WDR64: variants seen among roughly 807,000 people sequenced by gnomAD.
The protein encoded by WDR64 is WD repeat domain 64.
In WDR64, 112 loss-of-function variants were observed where a neutral mutation model predicts 139.3. That is an observed-to-expected ratio of 0.80 (90% CI 0.69 to 0.94). The LOEUF is 0.94. WDR64 is among the 40% of genes least tolerant of loss of function. The pLI is 0.00. For synonymous variants in WDR64, 444 were observed against 437.7 expected (o/e 1.01, Z -0.18); for missense variants, 1,206 against 1,293.1 (o/e 0.93, Z 1.03).
intron 24 of WDR64, among the ~76,000 whole-genome samples, chr1:241,788,724 G>A (rs1163083232): frequency 1.3e-5 from 2 of 152,182 alleles, no homozygotes; most frequent in Non-Finnish European, 2.9e-5. Flanking sequence ...CACAGGATTT[G>A]GATCAAAGCA....
chr1:241,681,679 G>C (rs1558469931), intron 6 of WDR64, among the ~76,000 whole-genome samples: 1 of 152,120 alleles, frequency 6.6e-6, no homozygotes, highest in Non-Finnish European at 1.5e-5. Context: ...TCTACTTTTA[G>C]TTCTTTAAGG....
Position 241,736,447 on chromosome 1 carries a change from C to T in WDR64, c.1195-1916C>T, listed in dbSNP as rs536906711. On this transcript the variant is annotated intron_variant, in intron 10 of 27. Coordinates refer to ENST00000437684, the MANE Select transcript of WDR64 (RefSeq NM_001367482.1). Reference sequence around the variant, plus strand: ...AAAAAAAAAAAAGAGTAGGAGTTAGCTAGATAGAGAAGGCCTTTGAGAGGA... The same window carrying T: ...AAAAAAAAAAAAGAGTAGGAGTTAGTTAGATAGAGAAGGCCTTTGAGAGGA... Among the ~76,000 whole-genome samples, 6 of 146,204 alleles carry T rather than the reference C, an allele frequency of 4.1e-5. 1 individual carries two copies. The South Asian group carries it at 1.3e-3, about 31-fold the overall frequency.
intron 8 of WDR64, among the ~76,000 whole-genome samples, chr1:241,705,559 A>AAATT (rs1553368512): frequency 1.3e-4 from 18 of 136,668 alleles, no homozygotes; most frequent in African/African-American, 4.4e-4. Flanking sequence ...ATAAATAAAT[A>AAATT]AATAATAATA....
intron 11 of WDR64, among the ~76,000 whole-genome samples, chr1:241,739,607 A>G (rs1015933283): frequency 2.0e-5 from 3 of 152,176 alleles, no homozygotes; most frequent in African/African-American, 7.2e-5. Flanking sequence ...CAGTGCCCCA[A>G]TTTGCATATT....
In WDR64 at chr1:241,733,335, T is replaced by C. The variant is rs1312301329; in HGVS notation, c.1195-5028T>C. Among the ~76,000 whole-genome samples the C allele has an allele frequency of 2.0e-5, 3 of 151,968 alleles. No individual in the cohort carries two copies. The East Asian group carries it at 5.8e-4, about 29-fold the overall frequency. ...ACTAAAACTACAAAAATTAGCTGGG[T>C]GTGGTGGCAGGTGCCTGTAATACCA... On this transcript the variant is annotated intron_variant, in intron 10 of 27. Coordinates refer to ENST00000437684, the MANE Select transcript of WDR64 (RefSeq NM_001367482.1).
At chr1:241,704,487 G>C (rs1667858963) in intron 8 of WDR64, among the ~76,000 whole-genome samples, 2 of 152,088 alleles carry the variant, frequency 1.3e-5, no homozygotes, top group African/African-American at 4.8e-5. Context: ...TGAAATACTG[G>C]AAAGCAGGCC....
At chr1:241,783,102 C>T (rs1658906966) in intron 22 of WDR64, among the ~76,000 whole-genome samples, 170 bp from the exon 23 acceptor site, 2 of 152,164 alleles carry the variant, frequency 1.3e-5, no homozygotes, top group Admixed American at 1.3e-4. Flanking sequence ...ACTTCTTGTA[C>T]CCCAACAAGC....
chr1:241,751,359 G>A (rs1052181045), intron 14 of WDR64, among the ~76,000 whole-genome samples: 1 of 152,128 alleles, frequency 6.6e-6, no homozygotes, highest in Non-Finnish European at 1.5e-5. Context: ...CCAGAAACTG[G>A]AAGGTGGGCA....
intron 24 of WDR64, among the ~76,000 whole-genome samples, chr1:241,789,861 C>T (rs957344770): frequency 6.6e-6 from 1 of 152,052 alleles, no homozygotes; most frequent in Admixed American, 6.6e-5. Context: ...AACAAACCTG[C>T]ACATGTACCA....
chr1:241,801,405 C>T lies in WDR64; in HGVS notation c.*190C>T, dbSNP rs1659523032. The T allele has an allele frequency of 1.8e-5, 9 of 499,996 alleles. No homozygotes were observed. The highest frequency in any genetic ancestry group is 3.2e-5 in the Non-Finnish European group (9 of 281,836). 31.0% of individuals were successfully genotyped at this position (499,996 alleles called of 1,614,324 possible). On this transcript the variant is annotated 3_prime_UTR_variant, in exon 28 of 28. Transcript: ENST00000437684. The stretch of plus-strand genomic sequence containing the variant: ...TTAACTCTGAATACCAAGCAAGCAG[C>T]AAGCAGCCAGAAGTTTAGGCGGTGT...
intron 10 of WDR64, 34 bp downstream of exon 10, chr1:241,723,470 T>C: frequency 6.2e-7 from 1 of 1,605,186 alleles, no homozygotes; most frequent in Non-Finnish European, 8.5e-7. Context: ...CAAAACTAGT[T>C]TTTTCCGGAA....
At chr1:241,794,353 A>G (rs1659295312) in intron 25 of WDR64, among the ~76,000 whole-genome samples, 1 of 152,158 alleles carries the variant, frequency 6.6e-6, no homozygotes, top group South Asian at 2.1e-4. Context: ...ATTGGAATTC[A>G]CTTTTAACAT....
intron 25 of WDR64, among the ~76,000 whole-genome samples, chr1:241,794,194 AG>A (rs1294337348): frequency 2.7e-5 from 4 of 147,194 alleles, no homozygotes; most frequent in East Asian, 4.0e-4. Context: ...AAAAAAAAAA[AG>A]AAAAAAAGAA....
intron 10 of WDR64, among the ~76,000 whole-genome samples, chr1:241,728,689 C>T (rs9782920): frequency 0.8 from 122,170 of 152,172 alleles, 49,510 homozygotes; most frequent in African/African-American, 0.86. Flanking sequence ...TGAAGAAGAA[C>T]TGACGAATGT....
At chr1:241,761,629 C>A (rs986679652) in intron 15 of WDR64, among the ~76,000 whole-genome samples, 2 of 151,582 alleles carry the variant, frequency 1.3e-5, no homozygotes, top group African/African-American at 4.8e-5. Flanking sequence ...TGAAAAATTT[C>A]TCGGTAGCAT....
intron 8 of WDR64, among the ~76,000 whole-genome samples, chr1:241,691,048 C>G (rs115455332): frequency 0.015 from 2,279 of 152,090 alleles, 51 homozygotes; most frequent in African/African-American, 0.052. Flanking sequence ...TTTTAATATA[C>G]TTGTACTGCC....
chr1:241,685,510 G>A (rs542031547), intron 7 of WDR64, among the ~76,000 whole-genome samples: 1 of 151,982 alleles, frequency 6.6e-6, no homozygotes. Context: ...AATTTCTATA[G>A]GACTTCAAAG....
Position 241,801,691 on chromosome 1 carries a change from ATAT to A in WDR64, c.*480_*482del. The A allele has an allele frequency of 2.5e-6, 1 of 398,680 alleles. No homozygotes were observed. The highest frequency in any genetic ancestry group is 4.4e-6 in the Non-Finnish European group (1 of 226,120). The allele number at this position is 398,680 out of a possible 1,614,324, so 24.7% of individuals were successfully genotyped here. ...ATGTTTGTCTTCTTCATTTAGAGAA[ATAT>A]TATCTGGAAGAAAATGTCCTAAGTT... is the stretch of plus-strand genomic sequence containing the variant. On this transcript the variant is annotated 3_prime_UTR_variant, in exon 28 of 28. Coordinates refer to ENST00000437684, the MANE Select transcript of WDR64 (RefSeq NM_001367482.1).
At chr1:241,676,747 T>G (rs1483773703) in intron 4 of WDR64, among the ~76,000 whole-genome samples, 5 of 12,238 alleles carry the variant, frequency 4.1e-4, no homozygotes, top group Non-Finnish European at 1.2e-3. Flanking sequence ...AATTAATGGT[T>G]TTTTTTTTTT....
Sources: allele counts gnomAD v4.1 joint callset (sites outside exome capture counted in the v4.1 genomes callset), GRCh38; gene constraint gnomAD v4.1.1; transcripts MANE v1.5; gene names NCBI Gene and HGNC (gene_info 2026-07-23, HGNC 2026-07-21).